The following PDLIM1 variants were observed in gnomAD, a reference collection of about 807,000 sequenced individuals.
PDLIM1 encodes the protein PDZ and LIM domain protein 1.
In PDLIM1, 25 loss-of-function variants were observed where a neutral mutation model predicts 35.2. That is an observed-to-expected ratio of 0.71 (90% CI 0.52 to 0.99). PDLIM1 has a LOEUF of 0.99. PDLIM1 is among the 50% of genes least tolerant of loss of function. The pLI is 0.00. For missense variants in PDLIM1, 363 were observed against 415.3 expected (o/e 0.87, Z 1.09); for synonymous variants, 152 against 154.0 (o/e 0.99, Z 0.10).
chr10:95,269,871 G>C (rs1184386874), intron 2 of PDLIM1, among the ~76,000 whole-genome samples: 2 of 152,094 alleles, frequency 1.3e-5, no homozygotes, highest in East Asian at 3.9e-4. Context: ...GAGTAGCTGA[G>C]ATTACAGGCA....
intron 5 of PDLIM1, among the ~76,000 whole-genome samples, chr10:95,245,204 A>T (rs905064108): frequency 1.3e-5 from 2 of 152,194 alleles, no homozygotes; most frequent in African/African-American, 4.8e-5. Flanking sequence ...ATCATGGTCA[A>T]TAAAATGGAA....
Position 95,271,701 on chromosome 10 carries a change from A to T in PDLIM1, c.180T>A (p.Asn60Lys). ...ITAIDGENTSNMTHLEAQNRI... is the reference protein window; with the variant it reads ...ITAIDGENTSKMTHLEAQNRI... ...TGTTCTGAGCTTCCAAGTGTGTCAT[A>T]TTGCTAGTATTTTCCCCATCAATGG... The change falls in exon 2 of 7, where the codon AAT (asparagine) becomes AAA (lysine). Residue 60 changes from asparagine to lysine, a missense_variant. Asn to Lys is a moderately conservative substitution (Grantham distance 94). Transcript: ENST00000329399. The T allele has an allele frequency of 1.2e-6, 2 of 1,612,304 alleles. No individual in the cohort carries two copies. The highest frequency in any genetic ancestry group is 1.7e-6 in the Non-Finnish European group (2 of 1,179,312).
At chr10:95,282,595 A>G (rs1189856226) in intron 1 of PDLIM1, among the ~76,000 whole-genome samples, 1 of 152,236 alleles carries the variant, frequency 6.6e-6, no homozygotes, top group Non-Finnish European at 1.5e-5. Context: ...TTTCTCAGAC[A>G]GGAATATAAT....
chr10:95,287,584 G>A (rs1177157813), intron 1 of PDLIM1, among the ~76,000 whole-genome samples: 1 of 152,088 alleles, frequency 6.6e-6, no homozygotes, highest in African/African-American at 2.4e-5. Flanking sequence ...AACATAAACT[G>A]AGTTGCAATG....
At chr10:95,280,432 A>G (rs2035551712) in intron 1 of PDLIM1, among the ~76,000 whole-genome samples, 2 of 152,206 alleles carry the variant, frequency 1.3e-5, no homozygotes, top group Admixed American at 6.5e-5. Context: ...CCTTGATACA[A>G]ATGAGTTTGT....
intron 5 of PDLIM1, among the ~76,000 whole-genome samples, chr10:95,246,769 A>G (rs544291299): frequency 3.9e-4 from 59 of 152,336 alleles, no homozygotes; most frequent in Non-Finnish European, 5.9e-4. Context: ...CATGCCCCCA[A>G]GCAAAGCCAG....
chr10:95,271,895 G>A (rs2035468148), intron 1 of PDLIM1, 111 bp from the exon 2 acceptor site: 1 of 915,646 alleles, frequency 1.1e-6, no homozygotes, highest in African/African-American at 1.7e-5. Flanking sequence ...AGAAAAGAGG[G>A]CTGAAATCAT....
intron 4 of PDLIM1, among the ~76,000 whole-genome samples, chr10:95,262,118 G>C (rs936313702): frequency 6.6e-6 from 1 of 152,096 alleles, no homozygotes; most frequent in Admixed American, 6.6e-5. Context: ...TCTCTCTGGG[G>C]AGGGGAGGGG....
chr10:95,257,038 G>GAAAGAAAGAAAGA (rs1440640324), intron 4 of PDLIM1, among the ~76,000 whole-genome samples: 10 of 129,840 alleles, frequency 7.7e-5, no homozygotes, highest in Admixed American at 3.9e-4. Context: ...AAGAAAGAAA[G>GAAAGAAAGAAAGA]AATTCAAAAT....
intron 4 of PDLIM1, among the ~76,000 whole-genome samples, chr10:95,250,810 C>T (rs2035261438): frequency 6.6e-6 from 1 of 152,136 alleles, no homozygotes; most frequent in Non-Finnish European, 1.5e-5. Flanking sequence ...ACAAAGTTTC[C>T]TAGTTCTTGT....
intron 4 of PDLIM1, among the ~76,000 whole-genome samples, chr10:95,251,346 G>A (rs2035265895): frequency 6.6e-6 from 1 of 152,038 alleles, no homozygotes; most frequent in Admixed American, 6.6e-5. Context: ...GCCGAAGCAG[G>A]TGAATTGCCT....
rs191497703 is a variant in PDLIM1 at position 95,288,751 on chromosome 10, T to C, written c.96+2069A>G. ...AAGGAGCTGAAGAGAAACAAATAAA[T>C]TACTGTCAGCATGAAAATGTTACCT... On this transcript the variant is annotated intron_variant, in intron 1 of 6. Transcript: ENST00000329399. Among the ~76,000 whole-genome samples the C allele has an allele frequency of 3.3e-5, 5 of 152,152 alleles. No homozygotes were observed. The East Asian group carries it at 9.9e-4, about 30-fold the overall frequency.
chr10:95,242,394 C>G (rs1332826034), intron 5 of PDLIM1, among the ~76,000 whole-genome samples: 1 of 151,986 alleles, frequency 6.6e-6, no homozygotes, highest in Non-Finnish European at 1.5e-5. Context: ...CCCTTAAATT[C>G]TGCACTCAAG....
chr10:95,257,038 G>GAAATAAAT (rs1440640324), intron 4 of PDLIM1, among the ~76,000 whole-genome samples: 1 of 129,774 alleles, frequency 7.7e-6, no homozygotes, highest in Non-Finnish European at 1.6e-5. Flanking sequence ...AAGAAAGAAA[G>GAAATAAAT]AATTCAAAAT....
intron 5 of PDLIM1, among the ~76,000 whole-genome samples, chr10:95,245,371 T>A (rs574341956): frequency 6.6e-6 from 1 of 152,160 alleles, no homozygotes; most frequent in African/African-American, 2.4e-5. Context: ...ACCTTGGGAA[T>A]AGAAGCCACA....
intron 6 of PDLIM1, 133 bp from the exon 7 acceptor site, chr10:95,238,244 G>T: frequency 1.3e-6 from 1 of 757,476 alleles, no homozygotes. Context: ...GGGAAACCAG[G>T]GCCTCCCAAC....
intron 1 of PDLIM1, among the ~76,000 whole-genome samples, chr10:95,286,062 C>G (rs1382275385): frequency 6.6e-6 from 1 of 152,188 alleles, no homozygotes; most frequent in East Asian, 1.9e-4. Flanking sequence ...GACTAGGACA[C>G]TCTAACAATA....
chr10:95,273,783 T>C (rs2035487581), intron 1 of PDLIM1, among the ~76,000 whole-genome samples: 1 of 152,208 alleles, frequency 6.6e-6, no homozygotes, highest in African/African-American at 2.4e-5. Flanking sequence ...AGTTAGCTTC[T>C]GAGTCATCCA....
chr10:95,271,788 GA>G lies in PDLIM1; in HGVS notation c.97-5del. 9 of 1,601,708 alleles carry G rather than the reference GA, an allele frequency of 5.6e-6. No individual in the cohort carries two copies. The highest frequency in any genetic ancestry group is 5.3e-5 in the Admixed American group (3 of 56,598). ...CCGCCTTGCTTCCAGGAGTGACCTA[GA>G]AAAAAAGGGGAAAGCAGGCTAGTTA... On this transcript the variant is annotated splice_region_variant and splice_polypyrimidine_tract_variant and intron_variant, in intron 1 of 6. Transcript: ENST00000329399.
Sources: gnomAD v4.1 joint callset for allele counts (sites outside exome capture counted in the v4.1 genomes callset) on GRCh38, gnomAD v4.1.1 for gene constraint, MANE v1.5 for transcripts, NCBI Gene and HGNC (gene_info 2026-07-23, HGNC 2026-07-21) for gene names.